Variants in MYO1D observed in about 807,000 individuals in gnomAD.
The protein encoded by MYO1D is unconventional myosin-Id.
Under a neutral mutation model 122.0 loss-of-function variants are expected in MYO1D, and 83 were observed. The observed-to-expected ratio is 0.68, with a 90% CI of 0.57 to 0.82. MYO1D has a LOEUF of 0.82. Ranked by LOEUF, MYO1D falls within the 40% of genes least tolerant of loss-of-function variation. The probability of loss-of-function intolerance (pLI) is 0.00; values close to 1 mark genes in which losing one functional copy is unlikely to be tolerated. For synonymous variants in MYO1D, 464 were observed against 446.9 expected (o/e 1.04, Z -0.48); for missense variants, 1,157 against 1,269.5 (o/e 0.91, Z 1.35).
chr17:32,844,276 GAT>G (rs957865343), intron 1 of MYO1D, among the ~76,000 whole-genome samples: 10 of 144,532 alleles, frequency 6.9e-5, no homozygotes, highest in Non-Finnish European at 9.0e-5. Context: ...TATCATATAT[GAT>G]ATATATATCA....
At chr17:32,654,216 T>C (rs562102320) in intron 18 of MYO1D, among the ~76,000 whole-genome samples, 1 of 152,192 alleles carries the variant, frequency 6.6e-6, no homozygotes, top group African/African-American at 2.4e-5. Flanking sequence ...CACTGAATGA[T>C]GTAAGGGAAG....
At chr17:32,861,748 C>T (rs141193365) in intron 1 of MYO1D, among the ~76,000 whole-genome samples, 11 of 152,212 alleles carry the variant, frequency 7.2e-5, no homozygotes, top group East Asian at 1.9e-4. Flanking sequence ...CCAGGTGCCA[C>T]GGTTCACACC....
chr17:32,856,158 G>C (rs1299006452), intron 1 of MYO1D, among the ~76,000 whole-genome samples: 1 of 151,908 alleles, frequency 6.6e-6, no homozygotes, highest in African/African-American at 2.4e-5. Flanking sequence ...AGACCACCCT[G>C]CCTGGGAACA....
At chr17:32,698,681 C>T (rs1178554080) in intron 16 of MYO1D, among the ~76,000 whole-genome samples, 4 of 151,986 alleles carry the variant, frequency 2.6e-5, no homozygotes, top group African/African-American at 2.4e-5. Flanking sequence ...AAAATGATTA[C>T]ACTATATTAA....
chr17:32,792,097 C>T (rs1000296005), intron 1 of MYO1D, among the ~76,000 whole-genome samples: 1 of 152,120 alleles, frequency 6.6e-6, no homozygotes, highest in African/African-American at 2.4e-5. Context: ...TAATCAGTCC[C>T]TATTGGACAT....
intron 16 of MYO1D, among the ~76,000 whole-genome samples, chr17:32,695,186 G>C (rs2089156215): frequency 6.6e-6 from 1 of 152,206 alleles, no homozygotes; most frequent in Non-Finnish European, 1.5e-5. Flanking sequence ...GGATGAAACT[G>C]TTCTACCTCA....
chr17:32,874,265 TCCTTCCTTC>T lies in MYO1D; in HGVS notation c.95+2504_95+2512del, dbSNP rs1344651147. Among the ~76,000 whole-genome samples the T allele has an allele frequency of 3.3e-5, 5 of 152,248 alleles. No individual in the cohort carries two copies. The East Asian group carries it at 7.7e-4, about 24-fold the overall frequency. On this transcript the variant is annotated intron_variant, in intron 1 of 21. Transcript: ENST00000318217. ...TTTTCCTTTCTTTTTTTCTTTTCTC[TCCTTCCTTC>T]CCTTCCTTCCTCTTTATCTGTCTCT...
intron 10 of MYO1D, among the ~76,000 whole-genome samples, chr17:32,757,363 G>T (rs1351576117): frequency 6.6e-6 from 1 of 152,074 alleles, no homozygotes; most frequent in Admixed American, 6.6e-5. Flanking sequence ...GTCAAAATGG[G>T]GTAGGGGTGC....
chr17:32,786,256 C>CT (rs976563822), intron 1 of MYO1D, among the ~76,000 whole-genome samples: 12 of 151,926 alleles, frequency 7.9e-5, no homozygotes, highest in Admixed American at 2.0e-4. Flanking sequence ...CTAGAAATTC[C>CT]TTTTTTTAAA....
At chr17:32,627,681 C>G (rs2087946391) in intron 20 of MYO1D, 2 of 152,040 alleles carry the variant, frequency 1.3e-5, no homozygotes, top group Admixed American at 1.3e-4. Context: ...AGTCATCAAG[C>G]CCATACTGAT....
intron 4 of MYO1D, among the ~76,000 whole-genome samples, chr17:32,774,576 G>C (rs1598088058): frequency 6.6e-6 from 1 of 152,310 alleles, no homozygotes; most frequent in South Asian, 2.1e-4. Context: ...TCAATCCATA[G>C]AGACCTCTGC....
At chr17:32,645,397 C>T (rs965717998) in intron 19 of MYO1D, among the ~76,000 whole-genome samples, 3 of 152,060 alleles carry the variant, frequency 2.0e-5, no homozygotes, top group Non-Finnish European at 2.9e-5. Flanking sequence ...TTGCTCTTCT[C>T]GAGGAGTATC....
At chr17:32,716,022 C>T (rs1395450478) in intron 15 of MYO1D, among the ~76,000 whole-genome samples, 1 of 151,480 alleles carries the variant, frequency 6.6e-6, no homozygotes, top group Non-Finnish European at 1.5e-5. Flanking sequence ...CTTTCCAATC[C>T]ATTCTGCATA....
At chr17:32,647,526 C>T (rs2088312275) in intron 19 of MYO1D, among the ~76,000 whole-genome samples, 2 of 152,052 alleles carry the variant, frequency 1.3e-5, no homozygotes, top group South Asian at 4.2e-4. Flanking sequence ...AGTAAATGAC[C>T]TAATTCTTAA....
Position 32,764,959 on chromosome 17 carries a change from C to A in MYO1D, c.954G>T (p.Arg318=). ...TDMVEKALLY[R]TVATGRDIID... is the part of the protein sequence containing the mutation. ...TGATGTCACGGCCTGTGGCCACAGTCCGGTAAAGAAGGGCTTTCTCAACCA... is the reference window on the plus strand; with the variant it reads ...TGATGTCACGGCCTGTGGCCACAGTACGGTAAAGAAGGGCTTTCTCAACCA... The change falls in exon 8 of 22, where the codon CGG becomes CGT. Residue 318 remains arginine (R), a synonymous_variant. Transcript: ENST00000318217. 1 of 1,614,216 alleles carries A rather than the reference C, an allele frequency of 6.2e-7. No individual in the cohort carries two copies. The highest frequency in any genetic ancestry group is 8.5e-7 in the Non-Finnish European group (1 of 1,180,044).
intron 16 of MYO1D, among the ~76,000 whole-genome samples, chr17:32,682,255 A>T (rs984279533): frequency 2.0e-5 from 3 of 151,342 alleles, no homozygotes; most frequent in African/African-American, 7.3e-5. Context: ...ATTTACATTT[A>T]AAGTTAATAT....
At chr17:32,726,425 A>AC (rs1007988827) in intron 14 of MYO1D, among the ~76,000 whole-genome samples, 2 of 151,436 alleles carry the variant, frequency 1.3e-5, no homozygotes, top group Admixed American at 1.3e-4. Context: ...GTCTCAAAAA[A>AC]AAAAGAAAAG....
intron 16 of MYO1D, among the ~76,000 whole-genome samples, chr17:32,679,493 C>G (rs1019148281): frequency 1.3e-5 from 2 of 151,944 alleles, no homozygotes; most frequent in African/African-American, 4.8e-5. Context: ...GCCAGTTTTC[C>G]CAGCACCATT....
chr17:32,688,924 T>A (rs898502043), intron 16 of MYO1D, among the ~76,000 whole-genome samples: 1 of 134,880 alleles, frequency 7.4e-6, no homozygotes, highest in Non-Finnish European at 1.5e-5. Context: ...TTTTGAAGTG[T>A]GTGTGTGTGT....
Sources: gnomAD v4.1 joint callset for allele counts (sites outside exome capture counted in the v4.1 genomes callset) on GRCh38, gnomAD v4.1.1 for gene constraint, MANE v1.5 for transcripts, NCBI Gene and HGNC (gene_info 2026-07-23, HGNC 2026-07-21) for gene names.